OR4D2: variants seen among roughly 807,000 people sequenced by gnomAD.
The protein encoded by OR4D2 is olfactory receptor 4D2.
In OR4D2, 9 loss-of-function variants were observed where a neutral mutation model predicts 12.4. That is an observed-to-expected ratio of 0.73 (90% CI 0.44 to 1.27). The LOEUF (loss-of-function observed/expected upper bound fraction) is 1.27. Among genes scored for constraint, OR4D2 ranks in the 50% most tolerant of loss-of-function variants. OR4D2 has a pLI of 0.00. For synonymous variants in OR4D2, 151 were observed against 151.1 expected, an observed-to-expected ratio of 1.00 and a Z score of 0.01; for missense variants, 373 against 381.6, an observed-to-expected ratio of 0.98 and a Z score of 0.19.
intron 1 of OR4D2, chr17:58,169,408 T>C: frequency 3.6e-6 from 2 of 548,536 alleles, no homozygotes; most frequent in Non-Finnish European, 6.5e-6. Context: ...CACCACTATA[T>C]GAATCTTTGA....
At chr17:58,168,625 A>G (rs1567782114) in intron 1 of OR4D2, among the ~76,000 whole-genome samples, 1 of 151,644 alleles carries the variant, frequency 6.6e-6, no homozygotes, top group Non-Finnish European at 1.5e-5. Flanking sequence ...GTCTATTTCT[A>G]TTTGTTTTCT....
chr17:58,170,813 C>A lies in OR4D2; in HGVS notation c.*234C>A. 1.9e-6 allele frequency: 1 copy of A among 529,388 alleles called. No homozygotes were observed. The highest frequency in any genetic ancestry group is 3.4e-6 in the Non-Finnish European group (1 of 296,760). 32.8% of individuals were successfully genotyped at this position (529,388 alleles called of 1,614,324 possible). On this transcript the variant is annotated 3_prime_UTR_variant, in exon 2 of 2. Transcript: ENST00000545221. ...AACAATGAGAATTGTTCACATGGCC[C>A]CTGAAAACCACACCTTCCTTTTCAC...
chr17:58,167,985 G>C (rs562220338), intron 1 of OR4D2, among the ~76,000 whole-genome samples: 1 of 119,868 alleles, frequency 8.3e-6, no homozygotes, highest in Admixed American at 9.1e-5. Flanking sequence ...CTGGGCGACA[G>C]CGAGACTCCG....
In OR4D2 at chr17:58,170,372, C is replaced by G. The variant is rs756739754; in HGVS notation, c.717C>G (p.Thr239=). 6.2e-7 allele frequency: 1 copy of G among 1,614,218 alleles called. No individual in the cohort carries two copies. Among genetic ancestry groups the G allele is most frequent in the Admixed American group, 1.7e-5 (1 of 60,030 alleles). The change falls in exon 2 of 2, where the codon ACC becomes ACG. Residue 239 remains threonine, a synonymous_variant. Transcript: ENST00000545221. The stretch of plus-strand genomic sequence containing the variant: ...AGGCAAGAAGGAAGGCAGCTTCCAC[C>G]TGCACCACCCACATCATCGTGGTTT... ...PGEARRKAAS[T]CTTHIIVVSM...
At chr17:58,169,321 G>A (rs1237509732) in intron 1 of OR4D2, 1 of 306,094 alleles carries the variant, frequency 3.3e-6, no homozygotes, top group Admixed American at 4.8e-5. Flanking sequence ...GATTAAGTAA[G>A]TTACTCATGG....
At position 58,169,799 on chromosome 17, in the gene OR4D2, A is replaced by G. The variant is rs948419265; in HGVS notation, c.144A>G (p.Thr48=). 1.9e-6 allele frequency: 3 copies of G among 1,613,924 alleles called. No individual in the cohort carries two copies. Among genetic ancestry groups the G allele is most frequent in the East Asian group, 2.2e-5 (1 of 44,882 alleles). Residue 48 remains threonine, a synonymous_variant, in exon 2 of 2, where the codon ACA becomes ACG. Coordinates refer to ENST00000545221, the MANE Select transcript of OR4D2 (RefSeq NM_001004707.4). ...TGGGAAACATCCTTATCATCATCAC[A>G]GTGACCTCTGATTCCCAGCTCCACA... ...TVMGNILIII[T]VTSDSQLHTP... is the part of the protein sequence containing the mutation.
chr17:58,167,754 C>G (rs1441758180), intron 1 of OR4D2, among the ~76,000 whole-genome samples: 2 of 150,986 alleles, frequency 1.3e-5, no homozygotes, highest in African/African-American at 4.9e-5. Context: ...GTGGCTCATG[C>G]CTGTAATCCC....
intron 1 of OR4D2, 89 bp from the exon 2 acceptor site, chr17:58,169,549 T>C: frequency 3.7e-6 from 3 of 820,460 alleles, no homozygotes; most frequent in Non-Finnish European, 4.2e-6. Flanking sequence ...GCTCATCATA[T>C]GGGCCTAAAA....
At position 58,169,957 on chromosome 17, in the gene OR4D2, T is replaced by A. The variant is rs768454334; in HGVS notation, c.302T>A (p.Ile101Asn). The A allele has an allele frequency of 6.8e-6, 11 of 1,613,934 alleles. No individual in the cohort carries two copies. Among genetic ancestry groups the A allele is most frequent in the South Asian group, 1.1e-5 (1 of 91,074 alleles). ...TISYQGCMGQ[I>N]FFFHFLGGAM... Reference sequence around the variant, plus strand: ...TCTTACCAGGGCTGCATGGGTCAGATCTTCTTCTTCCACTTTTTGGGAGGT... The same window carrying A: ...TCTTACCAGGGCTGCATGGGTCAGAACTTCTTCTTCCACTTTTTGGGAGGT... Residue 101 changes from isoleucine (I) to asparagine (N), a missense_variant, in exon 2 of 2, where the codon ATC (isoleucine) becomes AAC (asparagine). By Grantham distance (149) the Ile-to-Asn change is moderately radical (BLOSUM62 -3). Transcript: ENST00000545221.
In OR4D2 at chr17:58,170,056, C is replaced by G. The variant is rs904527917; in HGVS notation, c.401C>G (p.Thr134Ser). 1.2e-6 allele frequency: 2 copies of G among 1,614,050 alleles called. No individual in the cohort carries two copies. Among genetic ancestry groups the G allele is most frequent in the African/African-American group, 2.7e-5 (2 of 74,922 alleles). ...ATCTCCCGGCCCCTCCGCTATGTCA[C>G]CGTCATGAACACTCAGCTCTGGGTG... ...IAISRPLRYV[T>S]VMNTQLWVGL... Residue 134 changes from threonine to serine, a missense_variant, in exon 2 of 2, where the codon ACC becomes AGC. Thr to Ser is a moderately conservative substitution (Grantham distance 58, BLOSUM62 1). Transcript: ENST00000545221.
chr17:58,168,032 C>T (rs1337519955), intron 1 of OR4D2, among the ~76,000 whole-genome samples: 3 of 142,824 alleles, frequency 2.1e-5, no homozygotes, highest in Non-Finnish European at 4.5e-5. Flanking sequence ...AGAAGGTGTC[C>T]TGGAGTGGAA....
Position 58,170,823 on chromosome 17 carries a change from A to G in OR4D2, c.*244A>G, listed in dbSNP as rs1952865309. ...ATTGTTCACATGGCCCCTGAAAACC[A>G]CACCTTCCTTTTCACCTTCTTGGTG... On this transcript the variant is annotated 3_prime_UTR_variant, in exon 2 of 2. Transcript: ENST00000545221. 2 of 508,640 alleles carry G rather than the reference A, an allele frequency of 3.9e-6. No homozygotes were observed. Among genetic ancestry groups the G allele is most frequent in the Non-Finnish European group, 7.1e-6 (2 of 283,608 alleles). The allele number at this position is 508,640 out of a possible 1,614,324, so 31.5% of individuals were successfully genotyped here.
At chr17:58,168,968 G>A (rs1440396107) in intron 1 of OR4D2, among the ~76,000 whole-genome samples, 1 of 152,216 alleles carries the variant, frequency 6.6e-6, no homozygotes, top group Non-Finnish European at 1.5e-5. Context: ...CTGTCATTAA[G>A]AATGGGTACT....
intron 1 of OR4D2, among the ~76,000 whole-genome samples, chr17:58,167,999 C>CAAAAAAAA (rs1165311786): frequency 8.9e-4 from 35 of 39,188 alleles, no homozygotes; most frequent in African/African-American, 2.6e-3. Context: ...GACTCCGTCA[C>CAAAAAAAA]AAAAAAAAAA....
rs114727124 is a variant in OR4D2 at position 58,169,290 on chromosome 17, G to A, written c.-18-348G>A. On this transcript the variant is annotated intron_variant, in intron 1 of 1. Transcript: ENST00000545221. ...TTTTATTTCTACCTTACAAATTCCC[G>A]TGAAAACTGAGGCCCAGAAAGATTA... The A allele has an allele frequency of 3.2e-3, 770 of 240,232 alleles. 5 individuals are homozygous for A. Among genetic ancestry groups the A allele is most frequent in the African/African-American group, 0.016 (715 of 43,358 alleles). 14.9% of individuals were successfully genotyped at this position (240,232 alleles called of 1,614,324 possible). A position where few individuals can be genotyped will look rare whatever the true frequency, so the allele number is the denominator to read the frequency against.
At position 58,169,665 on chromosome 17, in the gene OR4D2, G is replaced by A. The variant is rs773946251; in HGVS notation, c.10G>A (p.Gly4Arg). The change falls in exon 2 of 2, where the codon GGG becomes AGG. Residue 4 changes from glycine to arginine, a missense_variant. Coordinates refer to ENST00000545221, the MANE Select transcript of OR4D2 (RefSeq NM_001004707.4). ...GTATGGAGAAAACACCATGGAAACA[G>A]GGAACCTCACGTGGGTATCAGACTT... MET[G>R]NLTWVSDFVF... The A allele has an allele frequency of 2.5e-6, 4 of 1,613,504 alleles. No individual in the cohort carries two copies. Among genetic ancestry groups the A allele is most frequent in the Non-Finnish European group, 3.4e-6 (4 of 1,179,558 alleles).
In OR4D2 at chr17:58,170,878, G is replaced by C; in HGVS notation, c.*299G>C. 1 of 397,456 alleles carries C rather than the reference G, an allele frequency of 2.5e-6. No homozygotes were observed. The highest frequency in any genetic ancestry group is 4.6e-6 in the Non-Finnish European group (1 of 215,204). The allele number at this position is 397,456 out of a possible 1,614,324, so 24.6% of individuals were successfully genotyped here. ...GTTTCCTGTTGACAGCATTTCCCCT[G>C]TGCGAACATTTCTATTTTCCGTATT... On this transcript the variant is annotated 3_prime_UTR_variant, in exon 2 of 2. Coordinates refer to ENST00000545221, the MANE Select transcript of OR4D2 (RefSeq NM_001004707.4).
In OR4D2 at chr17:58,170,545, C is replaced by T; in HGVS notation, c.890C>T (p.Ala297Val). ...YTLRNQDMQA[A>V]VRRLGRHRLV ...CTGAGGAACCAGGACATGCAGGCAGCAGTGAGAAGATTAGGGAGACACCGG... is the reference window on the plus strand; with the variant it reads ...CTGAGGAACCAGGACATGCAGGCAGTAGTGAGAAGATTAGGGAGACACCGG... The change falls in exon 2 of 2, where the codon GCA (alanine) becomes GTA (valine). Residue 297 changes from alanine (A) to valine (V), a missense_variant. By Grantham distance (64) the Ala-to-Val change is moderately conservative (BLOSUM62 0). Coordinates refer to ENST00000545221, the MANE Select transcript of OR4D2 (RefSeq NM_001004707.4). 6.2e-7 allele frequency: 1 copy of T among 1,614,130 alleles called. No homozygotes were observed. The highest frequency in any genetic ancestry group is 8.5e-7 in the Non-Finnish European group (1 of 1,179,984).
rs755747024 is a variant in OR4D2 at position 58,170,247 on chromosome 17, C to A, written c.592C>A (p.Leu198Ile). Residue 198 changes from leucine (L) to isoleucine (I), a missense_variant, in exon 2 of 2, where the codon CTC becomes ATC. Transcript: ENST00000545221. ...ACTDTSLLEF[L>I]KISNSGLLDV... ...CACTGACACCTCACTGCTGGAGTTCCTCAAGATCTCCAACAGTGGGCTGCT... is the reference window on the plus strand; with the variant it reads ...CACTGACACCTCACTGCTGGAGTTCATCAAGATCTCCAACAGTGGGCTGCT... 6.2e-7 allele frequency: 1 copy of A among 1,614,106 alleles called. No individual in the cohort carries two copies. The highest frequency in any genetic ancestry group is 1.1e-5 in the South Asian group (1 of 91,086).
Sources: allele counts gnomAD v4.1 joint callset (sites outside exome capture counted in the v4.1 genomes callset), GRCh38; gene constraint gnomAD v4.1.1; transcripts MANE v1.5; gene names NCBI Gene and HGNC (gene_info 2026-07-23, HGNC 2026-07-21).